Variants in RPL12 observed in about 807,000 individuals in gnomAD.
The protein encoded by RPL12 is ribosomal protein L12, also known as large ribosomal subunit protein uL11.
Under a neutral mutation model 24.5 loss-of-function variants are expected in RPL12, and 10 were observed. That is an observed-to-expected ratio of 0.41 (90% CI 0.25 to 0.69). The LOEUF is 0.69. Among genes scored for constraint, RPL12 ranks in the 30% least tolerant of loss-of-function variants. RPL12 has a pLI of 0.33. For synonymous variants in RPL12, 74 were observed against 76.1 expected (o/e 0.97, Z 0.14); for missense variants, 137 against 205.3 (o/e 0.67, Z 2.03).
chr9:127,451,003 C>A, intron 1 of RPL12, 199 bp from the exon 2 acceptor site: 1 of 641,640 alleles, frequency 1.6e-6, no homozygotes. Context: ...GCCCCGTCGC[C>A]CGCTAACCCA....
At position 127,451,273 on chromosome 9, in the gene RPL12, G is replaced by A. The variant is rs1447376735; in HGVS notation, c.37+8C>T. The A allele has an allele frequency of 6.2e-7, 1 of 1,612,982 alleles. No individual in the cohort carries two copies. The highest frequency in any genetic ancestry group is 8.5e-7 in the Non-Finnish European group (1 of 1,179,776). On this transcript the variant is annotated splice_region_variant and intron_variant, in intron 1 of 6. Transcript: ENST00000361436. ...TCCCGCAGCCCCGGCCACAACCAGA[G>A]CACGCACCGACTTTGATCTCGTTGG...
At position 127,450,839 on chromosome 9, in the gene RPL12, G is replaced by A. The variant is rs1348128863; in HGVS notation, c.38-35C>T. The A allele has an allele frequency of 9.6e-6, 14 of 1,456,552 alleles. 1 individual carries two copies. Among genetic ancestry groups the A allele is most frequent in the Non-Finnish European group, 1.2e-5 (13 of 1,069,650 alleles). 90.2% of individuals were successfully genotyped at this position (1,456,552 alleles called of 1,614,324 possible). ...AAGAAGAGTTAGTGTCTGTGCAGAG[G>A]GAGCCCCGAGCCACAGCCCTCTCAG... On this transcript the variant is annotated intron_variant, in intron 1 of 6. Transcript: ENST00000361436.
At chr9:127,450,446 A>G (rs1834269704) in intron 2 of RPL12, 2 of 364,668 alleles carry the variant, frequency 5.5e-6, no homozygotes, top group East Asian at 4.9e-5. Flanking sequence ...TGGCTGCCCA[A>G]TGTCTCTAAG....
At position 127,451,366 on chromosome 9, in the gene RPL12, G is replaced by C. The variant is rs779786777; in HGVS notation, c.-49C>G. On this transcript the variant is annotated 5_prime_UTR_variant, in exon 1 of 7. Coordinates refer to ENST00000361436, the MANE Select transcript of RPL12 (RefSeq NM_000976.4). The stretch of plus-strand genomic sequence containing the variant: ...GAACCCGGATTCGGGACGACCGAAG[G>C]AAGTTGCACCTTGGCCTCCTCCGAG... The C allele has an allele frequency of 6.3e-7, 1 of 1,593,498 alleles. No homozygotes were observed. Among genetic ancestry groups the C allele is most frequent in the South Asian group, 1.1e-5 (1 of 89,768 alleles).
rs1834236293 is a variant in RPL12 at position 127,449,624 on chromosome 9, T to C, written c.196A>G (p.Asn66Asp). Reference sequence around the variant, plus strand: ...CAAGCAAATACCTGGGCCTGTCTGTTCTGAATGGTCAGTTTCACTGTAATC... The same window carrying C: ...CAAGCAAATACCTGGGCCTGTCTGTCCTGAATGGTCAGTTTCACTGTAATC... Reference protein sequence around the residue: ...LRITVKLTIQNRQAQIEVVPS... With the variant: ...LRITVKLTIQDRQAQIEVVPS... Residue 66 changes from asparagine (N) to aspartate (D), a missense_variant, in exon 3 of 7, where the codon AAC becomes GAC. By Grantham distance (23) the Asn-to-Asp change is conservative (BLOSUM62 1). This residue lies in a region of RPL12 where 118 missense variants were observed against 160.7 expected (regional missense o/e 0.73). Coordinates refer to ENST00000361436, the MANE Select transcript of RPL12 (RefSeq NM_000976.4). 1 of 1,614,162 alleles carries C rather than the reference T, an allele frequency of 6.2e-7. No individual in the cohort carries two copies. The highest frequency in any genetic ancestry group is 8.5e-7 in the Non-Finnish European group (1 of 1,180,008).
rs966524196 is a variant in RPL12 at position 127,448,272 on chromosome 9, G to A, written c.379+65C>T. The A allele has an allele frequency of 3.0e-6, 4 of 1,314,566 alleles. No homozygotes were observed. In the African/African-American group the frequency reaches 4.3e-5, roughly 14 times the overall value. The allele number at this position is 1,314,566 out of a possible 1,614,324, so 81.4% of individuals were successfully genotyped here. ...TCACTGAGCACCCTTCAAGTAAGAA[G>A]AATGTTATCACTCAGTGAAAAACAC... is the stretch of plus-strand genomic sequence containing the variant. On this transcript the variant is annotated intron_variant, in intron 5 of 6. Transcript: ENST00000361436.
chr9:127,448,599 CCAA>C (rs1480174635), intron 4 of RPL12, 176 bp from the exon 5 acceptor site: 5 of 759,082 alleles, frequency 6.6e-6, no homozygotes, highest in East Asian at 2.5e-5. Flanking sequence ...ATTGCACCAG[CCAA>C]CAGAGACCTG....
In RPL12 at chr9:127,448,477, C is replaced by T. The variant is rs376996721; in HGVS notation, c.293-54G>A. The T allele has an allele frequency of 1.2e-4, 134 of 1,135,388 alleles. 1 individual carries two copies. In the African/African-American group the frequency reaches 1.9e-3, roughly 16 times the overall value. The allele number at this position is 1,135,388 out of a possible 1,614,324, so 70.3% of individuals were successfully genotyped here. ...TTTAAAGTCTGAAGCCAAAGCAGAT[C>T]ATGTGTCCTTCATTTCATTTCTAGG... On this transcript the variant is annotated intron_variant, in intron 4 of 6. Coordinates refer to ENST00000361436, the MANE Select transcript of RPL12 (RefSeq NM_000976.4).
At chr9:127,450,694 A>G (rs1248434240) in intron 2 of RPL12, 37 bp downstream of exon 2, 1 of 1,480,918 alleles carries the variant, frequency 6.8e-7, no homozygotes, top group Admixed American at 2.2e-5. Context: ...AAGTGAAACA[A>G]ATGTGAAAAA....
Position 127,451,372 on chromosome 9 carries a change from GCACCTTGGCC to G in RPL12, c.-65_-56del. The G allele has an allele frequency of 6.2e-7, 1 of 1,608,100 alleles. No individual in the cohort carries two copies. Among genetic ancestry groups the G allele is most frequent in the Non-Finnish European group, 8.5e-7 (1 of 1,178,154 alleles). ...GGATTCGGGACGACCGAAGGAAGTT[GCACCTTGGCC>G]TCCTCCGAGCCGAAAGCCGAGAGGC... On this transcript the variant is annotated 5_prime_UTR_variant, in exon 1 of 7. Transcript: ENST00000361436.
chr9:127,449,190 CCCCA>C, intron 4 of RPL12, 87 bp downstream of exon 4: 2 of 1,061,722 alleles, frequency 1.9e-6, no homozygotes, highest in Non-Finnish European at 2.8e-6. Context: ...CCCATGTCAA[CCCCA>C]GGTTTCCTTT....
chr9:127,448,536 A>C, intron 4 of RPL12, 113 bp from the exon 5 acceptor site: 1 of 800,390 alleles, frequency 1.2e-6, no homozygotes, highest in Non-Finnish European at 2.2e-6. Context: ...AGTCATCCAC[A>C]TGAAGAACAA....
chr9:127,447,866 A>G lies in RPL12; in HGVS notation c.492+11T>C. 6.2e-7 allele frequency: 1 copy of G among 1,610,908 alleles called. No homozygotes were observed. The highest frequency in any genetic ancestry group is 8.5e-7 in the Non-Finnish European group (1 of 1,178,584). On this transcript the variant is annotated intron_variant, in intron 6 of 6. Transcript: ENST00000361436. ...TTTCACCCCTACTGTAACAATGAAA[A>G]TGTCACTTACGGCTGGGCATTCCAC...
chr9:127,451,302 C>G lies in RPL12; in HGVS notation c.16G>C (p.Asp6His). Residue 6 changes from aspartate (D) to histidine (H), a missense_variant, in exon 1 of 7, where the codon GAC becomes CAC. This residue lies in a region of RPL12 where 18 missense variants were observed against 27.1 expected (regional missense o/e 0.67). Transcript: ENST00000361436. ...GCACCGACTTTGATCTCGTTGGGGT[C>G]GAACTTCGGCGGCATGGTGGAGGCG... MPPKF[D>H]PNEIKVVYLR... 6.2e-7 allele frequency: 1 copy of G among 1,613,000 alleles called. No homozygotes were observed. The highest frequency in any genetic ancestry group is 1.1e-5 in the South Asian group (1 of 91,054).
intron 1 of RPL12, 160 bp downstream of exon 1, chr9:127,451,121 T>G (rs1482538298): frequency 3.1e-6 from 3 of 983,014 alleles, no homozygotes; most frequent in Non-Finnish European, 4.5e-6. Context: ...GTGAAGAAGC[T>G]AAGGCCCAGA....
rs1834208436 is a variant in RPL12 at position 127,448,342 on chromosome 9, A to T, written c.374T>A (p.Leu125His). Residue 125 changes from leucine (L) to histidine (H), a missense_variant, in exon 5 of 7, where the codon CTC (leucine) becomes CAC (histidine). By Grantham distance (99) the Leu-to-His change is moderately conservative. Around this residue, in one of 3 missense-constraint regions of RPL12, gnomAD observed 118 missense variants for 160.7 expected, o/e 0.73. Transcript: ENST00000361436. ...ACATGTTGTCCTGCTCTTACCAGAG[A>T]GTTCTCTGGCTAAGGATCGGTGCCG... is the stretch of plus-strand genomic sequence containing the variant. Reference protein sequence around the residue: ...QMRHRSLARELSGTIKEILGT... With the variant: ...QMRHRSLAREHSGTIKEILGT... 2 of 1,610,816 alleles carry T rather than the reference A, an allele frequency of 1.2e-6. No individual in the cohort carries two copies. Among genetic ancestry groups the T allele is most frequent in the Non-Finnish European group, 1.7e-6 (2 of 1,177,012 alleles).
chr9:127,448,286 A>G, intron 5 of RPL12, 51 bp downstream of exon 5: 1 of 1,389,256 alleles, frequency 7.2e-7, no homozygotes, highest in Non-Finnish European at 1.0e-6. Flanking sequence ...GTTATCACTC[A>G]GTGAAAAACA....
intron 2 of RPL12, chr9:127,449,947 TAAG>T (rs1479993670): frequency 3.6e-5 from 18 of 497,046 alleles, no homozygotes; most frequent in African/African-American, 5.8e-5. Flanking sequence ...CCCATGTGCT[TAAG>T]GAGGGGGATT....
chr9:127,450,680 C>T (rs1287267810), intron 2 of RPL12, 51 bp downstream of exon 2: 2 of 1,407,648 alleles, frequency 1.4e-6, no homozygotes, highest in South Asian at 1.3e-5. Context: ...CGAGCCGGCG[C>T]TTAAAGTGAA....
Sources: allele counts gnomAD v4.1 joint callset, GRCh38; gene constraint gnomAD v4.1.1; regional missense constraint gnomAD v4.1.1; transcripts MANE v1.5; gene names NCBI Gene and HGNC (gene_info 2026-07-23, HGNC 2026-07-21).